ZNF704: variants seen among roughly 807,000 people sequenced by gnomAD.
ZNF704 encodes zinc finger protein 704, also known as glucocorticoid induced gene 1.
In ZNF704, 10 loss-of-function variants were observed where a neutral mutation model predicts 44.7. The observed-to-expected ratio is 0.22, with a 90% CI of 0.14 to 0.38. The LOEUF (loss-of-function observed/expected upper bound fraction) is 0.38. Among genes scored for constraint, ZNF704 ranks in the 10% least tolerant of loss-of-function variants. ZNF704 has a pLI of 1.00. For missense variants in ZNF704, 390 were observed against 545.5 expected, an observed-to-expected ratio of 0.71 and a Z score of 2.84; for synonymous variants, 211 against 207.6, an observed-to-expected ratio of 1.02 and a Z score of -0.14.
intron 7 of ZNF704, among the ~76,000 whole-genome samples, chr8:80,649,376 C>G (rs1271126976): frequency 6.6e-6 from 1 of 152,148 alleles, no homozygotes; most frequent in Non-Finnish European, 1.5e-5. Flanking sequence ...CATCGCCTCA[C>G]CCGGGAAGCG....
At chr8:80,774,289 T>A (rs1365065212) in intron 2 of ZNF704, among the ~76,000 whole-genome samples, 1 of 152,102 alleles carries the variant, frequency 6.6e-6, no homozygotes. Flanking sequence ...AGGCTGATCC[T>A]GAATTCCTGG....
At chr8:80,711,460 C>CA (rs1563527578) in intron 2 of ZNF704, among the ~76,000 whole-genome samples, 1 of 151,982 alleles carries the variant, frequency 6.6e-6, no homozygotes, top group East Asian at 1.9e-4. Context: ...TAGATACATG[C>CA]AAAAAAATTT....
intron 5 of ZNF704, among the ~76,000 whole-genome samples, chr8:80,666,816 GTTT>G (rs1212484946): frequency 6.7e-6 from 1 of 150,124 alleles, no homozygotes; most frequent in South Asian, 2.1e-4. Flanking sequence ...GGGGTTGTTT[GTTT>G]TTTTCTTGTA....
At chr8:80,681,297 A>G (rs1014733719) in intron 4 of ZNF704, among the ~76,000 whole-genome samples, 1 of 152,210 alleles carries the variant, frequency 6.6e-6, no homozygotes, top group Admixed American at 6.5e-5. Context: ...AGAAACTGCC[A>G]AACTGTTTTA....
At chr8:80,803,527 C>T (rs1343314335) in intron 2 of ZNF704, among the ~76,000 whole-genome samples, 3 of 152,152 alleles carry the variant, frequency 2.0e-5, no homozygotes, top group East Asian at 3.8e-4. Flanking sequence ...AGGAATAAGA[C>T]TGCACACCTA....
chr8:80,749,111 T>C (rs937610286), intron 2 of ZNF704, among the ~76,000 whole-genome samples: 2 of 152,182 alleles, frequency 1.3e-5, no homozygotes, highest in African/African-American at 2.4e-5. Context: ...CTAACTACTA[T>C]ATAATTTTAA....
intron 1 of ZNF704, among the ~76,000 whole-genome samples, chr8:80,864,783 T>C (rs77192951): frequency 1.3e-5 from 2 of 152,234 alleles, no homozygotes; most frequent in Admixed American, 6.5e-5. Flanking sequence ...TCCAGCCACA[T>C]GCAAATTAGA....
chr8:80,688,385 T>C (rs1818577233), intron 3 of ZNF704, among the ~76,000 whole-genome samples: 1 of 152,208 alleles, frequency 6.6e-6, no homozygotes, highest in Non-Finnish European at 1.5e-5. Context: ...TGTGAGTGTT[T>C]TACATTTTAC....
intron 2 of ZNF704, among the ~76,000 whole-genome samples, chr8:80,808,082 G>A (rs1035409483): frequency 6.6e-6 from 1 of 152,174 alleles, no homozygotes; most frequent in Non-Finnish European, 1.5e-5. Flanking sequence ...GAGGTTCCTG[G>A]CCTGTGCACA....
At chr8:80,722,722 T>C (rs546241234) in intron 2 of ZNF704, among the ~76,000 whole-genome samples, 2 of 152,222 alleles carry the variant, frequency 1.3e-5, no homozygotes, top group Non-Finnish European at 2.9e-5. Context: ...AACTTCTATG[T>C]ACACTCTCTA....
At chr8:80,696,117 A>G (rs1818720639) in intron 2 of ZNF704, among the ~76,000 whole-genome samples, 1 of 152,248 alleles carries the variant, frequency 6.6e-6, no homozygotes, top group African/African-American at 2.4e-5. Context: ...AAGAGATGAT[A>G]TACAAAGTAG....
chr8:80,792,937 C>T (rs1227847423), intron 2 of ZNF704, among the ~76,000 whole-genome samples: 1 of 152,228 alleles, frequency 6.6e-6, no homozygotes, highest in East Asian at 1.9e-4. Flanking sequence ...TCCTGACCCA[C>T]AGAAACTGAT....
intron 2 of ZNF704, among the ~76,000 whole-genome samples, chr8:80,784,080 A>T (rs753831758): frequency 1.3e-5 from 2 of 151,994 alleles, no homozygotes; most frequent in African/African-American, 4.8e-5. Context: ...CTCATACTCC[A>T]TATGTCTTTT....
rs549075260 is a variant in ZNF704 at position 80,760,454 on chromosome 8, G to A, written c.221+60920C>T. Among the ~76,000 whole-genome samples the A allele has an allele frequency of 4.0e-4, 61 of 152,000 alleles. 1 individual carries two copies. In the South Asian group the frequency reaches 0.011, roughly 26 times the overall value. The stretch of plus-strand genomic sequence containing the variant: ...GGGTGGATCACGAGGTCAAGAGATC[G>A]AGACCATCCTGGCCAACATGGTGAA... On this transcript the variant is annotated intron_variant, in intron 2 of 8. Coordinates refer to ENST00000327835, the MANE Select transcript of ZNF704 (RefSeq NM_001033723.3).
chr8:80,778,640 ATG>A (rs1168397979), intron 2 of ZNF704, among the ~76,000 whole-genome samples: 2 of 152,102 alleles, frequency 1.3e-5, no homozygotes, highest in East Asian at 3.8e-4. Context: ...TATAAAGAAA[ATG>A]TGGTACATAC....
At chr8:80,729,215 A>C (rs1299204810) in intron 2 of ZNF704, among the ~76,000 whole-genome samples, 1 of 152,142 alleles carries the variant, frequency 6.6e-6, no homozygotes, top group Non-Finnish European at 1.5e-5. Context: ...AGGAGGTGAG[A>C]TGTAAACTAC....
In ZNF704 at chr8:80,643,047, G is replaced by A. The variant is rs1455324440; in HGVS notation, c.1115C>T (p.Thr372Ile). 6.3e-7 allele frequency: 1 copy of A among 1,587,766 alleles called. No individual in the cohort carries two copies. Among genetic ancestry groups the A allele is most frequent in the African/African-American group, 1.4e-5 (1 of 73,800 alleles). ...HTVLSSPPRG[T>I]VSLRKPRGEG... Reference sequence around the variant, plus strand: ...TAAGCTGTCGTACCTTAAGCTGACTGTGCCTCTGGGTGGGGAGGACAGGAC... The same window carrying A: ...TAAGCTGTCGTACCTTAAGCTGACTATGCCTCTGGGTGGGGAGGACAGGAC... Residue 372 changes from threonine to isoleucine, a missense_variant, in exon 8 of 9, where the codon ACA becomes ATA. Physicochemically the swap from Thr to Ile is moderately conservative, Grantham distance 89. Transcript: ENST00000327835.
rs767982840 is a variant in ZNF704, at chr8:80,665,060, T to G, written c.682A>C (p.Ser228Arg). ...HLGRVGDSDYSDGEEDFYYTE... is the reference protein window; with the variant it reads ...HLGRVGDSDYRDGEEDFYYTE... ...TAGTAAAAGTCCTCTTCTCCATCAC[T>G]GTAGTCAGAGTCTCCAACGCGCCTA... Residue 228 changes from serine to arginine, a missense_variant, in exon 6 of 9, where the codon AGT becomes CGT. Physicochemically the swap from Ser to Arg is moderately radical, Grantham distance 110. Around this residue, in one of 3 missense-constraint regions of ZNF704, gnomAD observed 305 missense variants for 435.7 expected, o/e 0.70. Coordinates refer to ENST00000327835, the MANE Select transcript of ZNF704 (RefSeq NM_001033723.3). The G allele has an allele frequency of 1.2e-6, 2 of 1,614,230 alleles. No individual in the cohort carries two copies. The highest frequency in any genetic ancestry group is 1.7e-6 in the Non-Finnish European group (2 of 1,180,028).
In ZNF704 at chr8:80,874,217, C is replaced by T. The variant is rs1036878061; in HGVS notation, c.-22+354G>A. Among the ~76,000 whole-genome samples, 8 of 145,896 alleles carry T rather than the reference C, an allele frequency of 5.5e-5. No homozygotes were observed. The highest frequency in any genetic ancestry group is 1.5e-4 in the African/African-American group (6 of 40,606). On this transcript the variant is annotated intron_variant, in intron 1 of 8. Transcript: ENST00000327835. The surrounding 1 kb of genome is among the most constrained non-coding windows in gnomAD (Gnocchi z 4.4). ...CTGGCTGCAGAGGCGCGGGCGCCGC[C>T]TTCGCTGGACCGGCCGGCGGGGACG...
Sources: allele counts gnomAD v4.1 joint callset (sites outside exome capture counted in the v4.1 genomes callset), GRCh38; gene constraint gnomAD v4.1.1; regional missense constraint gnomAD v4.1.1; non-coding constraint Gnocchi (gnomAD v3.1); transcripts MANE v1.5; gene names NCBI Gene and HGNC (gene_info 2026-07-23, HGNC 2026-07-21).